Variants in EYS observed in about 807,000 individuals in gnomAD.
EYS encodes the protein EGF-like photoreceptor maintenance factor, also known as protein eyes shut homolog.
Under a neutral mutation model 282.1 loss-of-function variants are expected in EYS, and 250 were observed. The observed-to-expected ratio is 0.89, with a 90% CI of 0.80 to 0.98. The LOEUF (loss-of-function observed/expected upper bound fraction) is 0.98, where lower values mean the gene tolerates loss of function less well. Among genes scored for constraint, EYS ranks in the 50% least tolerant of loss-of-function variants. EYS has a pLI of 0.00. For synonymous variants in EYS, 1,355 were observed against 1,282.9 expected, an observed-to-expected ratio of 1.06 and a Z score of -1.20; for missense variants, 4,016 against 3,709.0, an observed-to-expected ratio of 1.08 and a Z score of -2.15.
At chr6:64,489,610 C>A (rs1582814490) in intron 26 of EYS, among the ~76,000 whole-genome samples, 1 of 148,298 alleles carries the variant, frequency 6.7e-6, no homozygotes, top group East Asian at 2.0e-4. Flanking sequence ...ATAAAATATT[C>A]AGTTTTAATA....
At chr6:64,727,301 C>A (rs1422295586) in intron 22 of EYS, among the ~76,000 whole-genome samples, 2 of 152,070 alleles carry the variant, frequency 1.3e-5, no homozygotes, top group Non-Finnish European at 2.9e-5. Context: ...TTCAGAGATA[C>A]AATTTCCTTC....
intron 31 of EYS, among the ~76,000 whole-genome samples, chr6:64,121,172 C>T (rs980066158): frequency 6.6e-6 from 1 of 152,108 alleles, no homozygotes; most frequent in Non-Finnish European, 1.5e-5. Flanking sequence ...AACTATGACC[C>T]AGTCTGATGA....
At chr6:65,073,925 T>A (rs192937029) in intron 12 of EYS, among the ~76,000 whole-genome samples, 2 of 151,980 alleles carry the variant, frequency 1.3e-5, no homozygotes, top group African/African-American at 4.8e-5. Context: ...AGCAAGAAAG[T>A]GATTCTCTGA....
chr6:65,706,459 A>G (rs150097842), intron 1 of EYS, among the ~76,000 whole-genome samples: 84 of 152,232 alleles, frequency 5.5e-4, no homozygotes, highest in African/African-American at 1.8e-3. Flanking sequence ...CTGGTAGTGT[A>G]TTAATAAGGT....
intron 31 of EYS, among the ~76,000 whole-genome samples, chr6:64,185,216 A>G (rs897739026): frequency 2.6e-5 from 4 of 152,176 alleles, no homozygotes; most frequent in African/African-American, 9.7e-5. Flanking sequence ...AATGGACTAA[A>G]ACAACCACAT....
intron 31 of EYS, 54 bp from the exon 32 acceptor site, chr6:64,082,056 G>A: frequency 8.2e-7 from 1 of 1,225,138 alleles, no homozygotes; most frequent in Non-Finnish European, 1.1e-6. Flanking sequence ...TGCTACTCAA[G>A]TAGATAAAAA....
At chr6:64,577,031 T>C (rs1765902841) in intron 26 of EYS, among the ~76,000 whole-genome samples, 1 of 152,038 alleles carries the variant, frequency 6.6e-6, no homozygotes, top group Admixed American at 6.6e-5. Context: ...GAGGCAGACA[T>C]TGGAGTGATG....
intron 26 of EYS, among the ~76,000 whole-genome samples, chr6:64,586,904 A>C (rs1391066162): frequency 1.3e-5 from 2 of 152,090 alleles, no homozygotes; most frequent in Admixed American, 1.3e-4. Context: ...AGTAGAAAAA[A>C]TAGAGTTATA....
chr6:65,113,605 G>A (rs1200490474), intron 12 of EYS, among the ~76,000 whole-genome samples: 1 of 151,872 alleles, frequency 6.6e-6, no homozygotes, highest in Non-Finnish European at 1.5e-5. Context: ...ATATTTACTT[G>A]GAATGATTGC....
intron 13 of EYS, among the ~76,000 whole-genome samples, chr6:65,012,852 A>G (rs937856622): frequency 3.8e-5 from 4 of 106,448 alleles, no homozygotes; most frequent in African/African-American, 1.4e-4. Context: ...TCACAAGAAC[A>G]TAAAAATAAA....
chr6:63,726,044 A>G (rs1214822917), intron 42 of EYS, among the ~76,000 whole-genome samples: 1 of 152,176 alleles, frequency 6.6e-6, no homozygotes, highest in Non-Finnish European at 1.5e-5. Flanking sequence ...TATGATAAAT[A>G]TGTACCTTTT....
At position 65,271,821 on chromosome 6, in the gene EYS, C is replaced by T. The variant is rs987140888; in HGVS notation, c.2023+24042G>A. Among the ~76,000 whole-genome samples the T allele has an allele frequency of 3.9e-5, 6 of 152,102 alleles. No individual in the cohort carries two copies. In the South Asian group the frequency reaches 6.2e-4, roughly 16 times the overall value. On this transcript the variant is annotated intron_variant, in intron 12 of 42. Transcript: ENST00000503581. ...CTAGTCTTGAACTCCTGACGTCAAG[C>T]GATCCACCTGCCTCAGCCTCCCAAA...
intron 31 of EYS, among the ~76,000 whole-genome samples, chr6:64,171,257 A>C (rs192868840): frequency 8.3e-4 from 127 of 152,314 alleles, no homozygotes; most frequent in African/African-American, 3.1e-3. Context: ...GAATTTATAC[A>C]TCTATATACG....
intron 12 of EYS, among the ~76,000 whole-genome samples, chr6:65,181,080 G>T (rs904465557): frequency 9.2e-5 from 14 of 152,230 alleles, no homozygotes; most frequent in African/African-American, 3.1e-4. Context: ...AGACTTAAAT[G>T]TTAGACCTGA....
chr6:64,071,405 A>AT (rs910098572), intron 32 of EYS, among the ~76,000 whole-genome samples: 3 of 151,566 alleles, frequency 2.0e-5, no homozygotes, highest in Non-Finnish European at 2.9e-5. Context: ...TGGGGAGACT[A>AT]TTTTTTTATC....
chr6:63,731,686 T>C (rs1285533677), intron 41 of EYS, among the ~76,000 whole-genome samples: 2 of 152,202 alleles, frequency 1.3e-5, no homozygotes, highest in Non-Finnish European at 2.9e-5. Context: ...TTAACTTATG[T>C]GGCTCATAGT....
intron 14 of EYS, among the ~76,000 whole-genome samples, chr6:64,977,188 T>C (rs1192945114): frequency 2.0e-5 from 3 of 151,960 alleles, no homozygotes; most frequent in African/African-American, 7.2e-5. Context: ...CCACTGCACG[T>C]TGCCTTATCA....
intron 22 of EYS, among the ~76,000 whole-genome samples, chr6:64,740,980 T>G (rs1772352474): frequency 6.6e-6 from 1 of 152,172 alleles, no homozygotes; most frequent in African/African-American, 2.4e-5. Context: ...CCCAAAGTGC[T>G]GGGATTACAG....
At chr6:64,573,634 C>T (rs1226086926) in intron 26 of EYS, among the ~76,000 whole-genome samples, 1 of 151,896 alleles carries the variant, frequency 6.6e-6, no homozygotes, top group Non-Finnish European at 1.5e-5. Context: ...AGACACTTCT[C>T]AAAAGAAGAC....
Sources: allele counts gnomAD v4.1 joint callset (sites outside exome capture counted in the v4.1 genomes callset), GRCh38; gene constraint gnomAD v4.1.1; transcripts MANE v1.5; gene names NCBI Gene and HGNC (gene_info 2026-07-23, HGNC 2026-07-21).